Variants in GUCY2D observed in about 807,000 individuals in gnomAD.
The protein encoded by GUCY2D is retinal guanylyl cyclase 1.
A neutral mutation model predicts 101.3 loss-of-function variants in GUCY2D; 70 were observed. That is an observed-to-expected ratio of 0.69 (90% CI 0.57 to 0.84). The LOEUF (loss-of-function observed/expected upper bound fraction) is 0.84. GUCY2D is among the 40% of genes least tolerant of loss of function. The pLI, the probability that GUCY2D is intolerant of heterozygous loss-of-function variation, is 0.00. For synonymous variants in GUCY2D, 688 were observed against 670.7 expected (o/e 1.03, Z -0.40); for missense variants, 1,460 against 1,542.5 (o/e 0.95, Z 0.90).
intron 7 of GUCY2D, 129 bp downstream of exon 7, chr17:8,008,161 T>A (rs1975782034): frequency 1.4e-6 from 1 of 712,634 alleles, no homozygotes; most frequent in South Asian, 1.5e-5. Flanking sequence ...AGATGGGGGA[T>A]GGGAGCCCAG....
In GUCY2D at chr17:8,002,787, G is replaced by A. The variant is rs1975649574; in HGVS notation, c.-10+53G>A. 2.1e-6 allele frequency: 1 copy of A among 486,950 alleles called. No individual in the cohort carries two copies. Among genetic ancestry groups the A allele is most frequent in the African/African-American group, 2.1e-5 (1 of 48,698 alleles). 30.2% of individuals were successfully genotyped at this position (486,950 alleles called of 1,614,324 possible). On this transcript the variant is annotated intron_variant, in intron 1 of 19. Coordinates refer to ENST00000254854, the MANE Select transcript of GUCY2D (RefSeq NM_000180.4). The surrounding 1 kb of genome is among the most constrained non-coding windows in gnomAD (Gnocchi z 4.9). ...ATAGGGTCGGTCTGAGGGCGCAGGC[G>A]AGTCCCTGCTGACCCCTGACGCCTC...
At chr17:8,006,850 A>G (rs949092097) in intron 4 of GUCY2D, 136 bp downstream of exon 4, 5 of 897,518 alleles carry the variant, frequency 5.6e-6, no homozygotes, top group African/African-American at 1.6e-5. Flanking sequence ...TGGCTTGCAC[A>G]GGACCCCTCT....
At chr17:8,018,566 C>A (rs1357680999) in intron 19 of GUCY2D, among the ~76,000 whole-genome samples, 1 of 152,114 alleles carries the variant, frequency 6.6e-6, no homozygotes, top group Non-Finnish European at 1.5e-5. Flanking sequence ...AAATCAACAG[C>A]TTCCACATTT....
chr17:8,014,928 C>G lies in GUCY2D; in HGVS notation c.2646C>G (p.Tyr882Ter), dbSNP rs1567961697. 3.1e-6 allele frequency: 5 copies of G among 1,613,868 alleles called. No homozygotes were observed. Among genetic ancestry groups the G allele is most frequent in the Non-Finnish European group, 2.5e-6 (3 of 1,179,876 alleles). Residue 882 changes from tyrosine to a stop codon, truncating the protein, a stop_gained, in exon 14 of 20, where the codon TAC becomes TAG. Coordinates refer to ENST00000254854, the MANE Select transcript of GUCY2D (RefSeq NM_000180.4). LOFTEE classifies it high-confidence loss of function. This position sits in a 1 kb window ranked among gnomAD's most constrained non-coding sequence, Gnocchi z 4.0. Reference sequence around the variant, plus strand: ...AGTACTTTGAGCAAGTGACACTGTACTTTAGTGACATTGTGGGCTTCACCA... The same window carrying G: ...AGTACTTTGAGCAAGTGACACTGTAGTTTAGTGACATTGTGGGCTTCACCA... ...EPEYFEQVTL[Y>*]FSDIVGFTTI...
intron 17 of GUCY2D, 24 bp downstream of exon 17, chr17:8,016,045 C>G: frequency 6.4e-7 from 1 of 1,567,120 alleles, no homozygotes; most frequent in South Asian, 1.1e-5. Context: ...CCAACCCCTC[C>G]CGGAGGCCCC....
intron 8 of GUCY2D, among the ~76,000 whole-genome samples, chr17:8,009,809 T>G (rs189141326): frequency 2.6e-5 from 4 of 151,888 alleles, no homozygotes; most frequent in East Asian, 3.9e-4. Context: ...AAACCCTATC[T>G]CTCCAAAAAT....
In GUCY2D at chr17:8,014,454, G is replaced by C; in HGVS notation, c.2413-147G>C. The C allele has an allele frequency of 7.7e-6, 6 of 779,808 alleles. No individual in the cohort carries two copies. Among genetic ancestry groups the C allele is most frequent in the African/African-American group, 1.7e-5 (1 of 58,938 alleles). The allele number at this position is 779,808 out of a possible 1,614,324, so 48.3% of individuals were successfully genotyped here. A position where few individuals can be genotyped will look rare whatever the true frequency, so the allele number is the denominator to read the frequency against. On this transcript the variant is annotated intron_variant, in intron 12 of 19. Transcript: ENST00000254854. This position sits in a 1 kb window ranked among gnomAD's most constrained non-coding sequence, Gnocchi z 4.0. ...CTGAAAACACAGTGCCCAGCACCCC[G>C]GGGTGCTTGATGAATAGTAGATGAA...
chr17:8,009,621 C>T (rs1455226168), intron 8 of GUCY2D, 35 bp downstream of exon 8: 3 of 1,388,202 alleles, frequency 2.2e-6, no homozygotes, highest in Non-Finnish European at 2.1e-6. Context: ...CCTAGGTGGC[C>T]ATCGGTTTCT....
At position 8,015,323 on chromosome 17, in the gene GUCY2D, C is replaced by G. The variant is rs1270966416; in HGVS notation, c.2770-5C>G. On this transcript the variant is annotated splice_region_variant and splice_polypyrimidine_tract_variant and intron_variant, in intron 14 of 19. Transcript: ENST00000254854. ...GAAAATTCACACAACTCCTTCTTCC[C>G]CCAGGTGGAGACAATAGGGGACGCC... is the stretch of plus-strand genomic sequence containing the variant. 3 of 1,604,284 alleles carry G rather than the reference C, an allele frequency of 1.9e-6. No individual in the cohort carries two copies. Among genetic ancestry groups the G allele is most frequent in the South Asian group, 2.2e-5 (2 of 91,078 alleles).
intron 19 of GUCY2D, 84 bp downstream of exon 19, chr17:8,016,638 C>A: frequency 1.4e-6 from 1 of 712,472 alleles, no homozygotes; most frequent in South Asian, 1.6e-5. Context: ...GTGTCCCGAT[C>A]CCTTTCTGAC....
chr17:8,015,123 G>C, intron 14 of GUCY2D, 72 bp downstream of exon 14: 1 of 1,346,184 alleles, frequency 7.4e-7, no homozygotes, highest in Non-Finnish European at 1.1e-6. Context: ...AGCCCTTCCT[G>C]CGCAGCCCCT....
chr17:8,015,844 G>A lies in GUCY2D; in HGVS notation c.3043+3G>A. 1 of 1,611,184 alleles carries A rather than the reference G, an allele frequency of 6.2e-7. No individual in the cohort carries two copies. The highest frequency in any genetic ancestry group is 8.5e-7 in the Non-Finnish European group (1 of 1,178,486). The stretch of plus-strand genomic sequence containing the variant: ...GCGCATGGAGTCCACCGGGCTGCGT[G>A]AGTGTGACGGGGACAAGACGGGGAG... On this transcript the variant is annotated splice_donor_region_variant and intron_variant, in intron 16 of 19. Transcript: ENST00000254854.
chr17:8,006,276 A>T, intron 3 of GUCY2D, 87 bp from the exon 4 acceptor site: 1 of 991,496 alleles, frequency 1.0e-6, no homozygotes, highest in East Asian at 2.4e-5. Flanking sequence ...GCAACAGTGG[A>T]TACCCTGGGC....
intron 17 of GUCY2D, 33 bp from the exon 18 acceptor site, chr17:8,016,172 G>A (rs1320917645): frequency 3.4e-6 from 5 of 1,468,484 alleles, no homozygotes; most frequent in East Asian, 2.4e-5. Context: ...ACCCCAGTCC[G>A]CCTAAGTCCT....
chr17:8,020,049 G>C (rs1375351695), intron 19 of GUCY2D, 79 bp from the exon 20 acceptor site: 1 of 151,632 alleles, frequency 6.6e-6, no homozygotes, highest in Non-Finnish European at 1.5e-5. Flanking sequence ...TCAATCCCAC[G>C]GCAGAGACTC....
chr17:8,007,988 G>A lies in GUCY2D; in HGVS notation c.1624G>A (p.Gly542Ser), dbSNP rs146570135. 1.2e-4 allele frequency: 198 copies of A among 1,613,788 alleles called. No homozygotes were observed. The highest frequency in any genetic ancestry group is 1.2e-3 in the East Asian group (53 of 44,884). Residue 542 changes from glycine to serine, a missense_variant, in exon 7 of 20, where the codon GGC (glycine) becomes AGC (serine). Gly to Ser is a moderately conservative substitution (Grantham distance 56). Around this residue, in one of 3 missense-constraint regions of GUCY2D, gnomAD observed 1,196 missense variants for 1,229.6 expected, o/e 0.97. Coordinates refer to ENST00000254854, the MANE Select transcript of GUCY2D (RefSeq NM_000180.4). Reference sequence around the variant, plus strand: ...CCGCAGCATGTCAGACATTCGCAGCGGCCCCAGCCAACACTTGGACAGCCC... The same window carrying A: ...CCGCAGCATGTCAGACATTCGCAGCAGCCCCAGCCAACACTTGGACAGCCC... Reference protein sequence around the residue: ...GARSMSDIRSGPSQHLDSPNI... With the variant: ...GARSMSDIRSSPSQHLDSPNI...
In GUCY2D at chr17:8,016,171, C is replaced by T. The variant is rs190468215; in HGVS notation, c.3139-34C>T. On this transcript the variant is annotated intron_variant, in intron 17 of 19. Coordinates refer to ENST00000254854, the MANE Select transcript of GUCY2D (RefSeq NM_000180.4). ...AGATCCCCCACCCCTCACCCCAGTCCGCCTAAGTCCTTCCCTCTCCCATGT... is the reference window on the plus strand; with the variant it reads ...AGATCCCCCACCCCTCACCCCAGTCTGCCTAAGTCCTTCCCTCTCCCATGT... 2.1e-6 allele frequency: 3 copies of T among 1,455,612 alleles called. No homozygotes were observed. The East Asian group carries it at 7.2e-5, about 35-fold the overall frequency. The allele number at this position is 1,455,612 out of a possible 1,614,324, so 90.2% of individuals were successfully genotyped here.
At position 8,016,471 on chromosome 17, in the gene GUCY2D, G is replaced by C; in HGVS notation, c.3253G>C (p.Glu1085Gln). 1 of 1,578,358 alleles carries C rather than the reference G, an allele frequency of 6.3e-7. No homozygotes were observed. ...CAGCAACCACGGCATCAGCCTGCAG[G>C]AGATCCCACCCGAGCGGCGACGGAA... ...GSSNHGISLQ[E>Q]IPPERRRKLE... is the part of the protein sequence containing the mutation. Residue 1085 changes from glutamate (E) to glutamine (Q), a missense_variant, in exon 19 of 20, where the codon GAG (glutamate) becomes CAG (glutamine). Glu to Gln is a conservative substitution (Grantham distance 29). This residue lies in a region of GUCY2D where 215 missense variants were observed against 227.9 expected (regional missense o/e 0.94). Transcript: ENST00000254854.
At chr17:8,009,331 A>G (rs1975804273) in intron 7 of GUCY2D, among the ~76,000 whole-genome samples, 175 bp from the exon 8 acceptor site, 1 of 152,238 alleles carries the variant, frequency 6.6e-6, no homozygotes, top group Non-Finnish European at 1.5e-5. Flanking sequence ...GCCCTCTCCC[A>G]GATGGCTGTG....
Sources: gnomAD v4.1 joint callset for allele counts (sites outside exome capture counted in the v4.1 genomes callset) on GRCh38, gnomAD v4.1.1 for gene constraint, gnomAD v4.1.1 regional missense constraint, Gnocchi (gnomAD v3.1) non-coding constraint, MANE v1.5 for transcripts, NCBI Gene and HGNC (gene_info 2026-07-23, HGNC 2026-07-21) for gene names.